Variants in KAZN observed in about 807,000 individuals in gnomAD.
KAZN encodes kazrin.
KAZN carries 40 observed loss-of-function variants against 87.4 expected under a neutral mutation model. That is an observed-to-expected ratio of 0.46 (90% CI 0.36 to 0.60). The LOEUF is 0.60. Among genes scored for constraint, KAZN ranks in the 20% least tolerant of loss-of-function variants. The pLI, the probability that KAZN is intolerant of heterozygous loss-of-function variation, is 0.00. For synonymous variants in KAZN, 466 were observed against 458.3 expected (o/e 1.02, Z -0.22); for missense variants, 898 against 1,073.9 (o/e 0.84, Z 2.29).
intron 2 of KAZN, among the ~76,000 whole-genome samples, chr1:15,022,270 C>T (rs1265872463): frequency 6.6e-6 from 1 of 152,148 alleles, no homozygotes; most frequent in African/African-American, 2.4e-5. Context: ...GAACCACGCC[C>T]GCACCCCGCC....
At chr1:14,531,750 C>A (rs1423004664) in intron 2 of KAZN, among the ~76,000 whole-genome samples, 1 of 152,206 alleles carries the variant, frequency 6.6e-6, no homozygotes, top group African/African-American at 2.4e-5. Flanking sequence ...TTCGACTGAA[C>A]AGCAAGGGAA....
At chr1:13,927,585 T>A (rs772483621) in intron 1 of KAZN, among the ~76,000 whole-genome samples, 7 of 152,176 alleles carry the variant, frequency 4.6e-5, no homozygotes, top group African/African-American at 2.4e-5. Flanking sequence ...ATCCCAATGG[T>A]ACTGTTGCAT....
At chr1:14,443,380 G>A (rs149150425) in intron 2 of KAZN, among the ~76,000 whole-genome samples, 2 of 152,308 alleles carry the variant, frequency 1.3e-5, no homozygotes, top group East Asian at 3.9e-4. Context: ...TGGGCCAGGG[G>A]CTCTTGGGAG....
chr1:14,609,485 C>G (rs761195), intron 1 of KAZN, among the ~76,000 whole-genome samples: 19,297 of 152,236 alleles, frequency 0.13, 2,811 homozygotes, highest in African/African-American at 0.36. Context: ...GGCTGATCAA[C>G]ACCACAGTTG....
chr1:14,915,598 C>T (rs1455935199), intron 1 of KAZN, among the ~76,000 whole-genome samples: 1 of 152,190 alleles, frequency 6.6e-6, no homozygotes, highest in East Asian at 1.9e-4. Flanking sequence ...TCTGAGTCCC[C>T]CCTCTTTATG....
chr1:14,372,717 C>T (rs550827848), intron 2 of KAZN, among the ~76,000 whole-genome samples: 2 of 152,288 alleles, frequency 1.3e-5, no homozygotes, highest in South Asian at 2.1e-4. Flanking sequence ...CCTCTTGAGT[C>T]GCACCCTGTG....
chr1:14,154,996 T>TCCTTCCTTCCTTCC (rs1553136611), intron 1 of KAZN, among the ~76,000 whole-genome samples: 20 of 149,940 alleles, frequency 1.3e-4, no homozygotes, highest in African/African-American at 2.9e-4. Flanking sequence ...CTTCCTTCCT[T>TCCTTCCTTCCTTCC]TTTCTGATGT....
chr1:14,625,113 G>A (rs1016156827), intron 1 of KAZN, among the ~76,000 whole-genome samples: 3 of 152,068 alleles, frequency 2.0e-5, no homozygotes, highest in South Asian at 2.1e-4. Context: ...CCCCGACACC[G>A]CGTAGTCATC....
intron 1 of KAZN, among the ~76,000 whole-genome samples, chr1:14,068,135 T>C (rs1476598478): frequency 6.6e-6 from 1 of 152,018 alleles, no homozygotes; most frequent in East Asian, 1.9e-4. Context: ...CCCCCAACAA[T>C]TGAGGTGTAA....
intron 1 of KAZN, among the ~76,000 whole-genome samples, chr1:14,139,720 A>G (rs761229201): frequency 6.6e-6 from 1 of 152,228 alleles, no homozygotes. Flanking sequence ...GCAGGGCCGT[A>G]GAGGAGAGAA....
chr1:14,580,043 G>T (rs1675445152), intron 2 of KAZN, among the ~76,000 whole-genome samples: 1 of 152,180 alleles, frequency 6.6e-6, no homozygotes, highest in Non-Finnish European at 1.5e-5. Flanking sequence ...GTCACTCACA[G>T]CTACAGGAAT....
intron 2 of KAZN, among the ~76,000 whole-genome samples, chr1:14,449,686 T>C (rs1416397266): frequency 6.6e-6 from 1 of 152,182 alleles, no homozygotes; most frequent in African/African-American, 2.4e-5. Context: ...TTCAATAATT[T>C]CATGTAGGAT....
At chr1:14,645,014 G>A (rs1008283088) in intron 1 of KAZN, among the ~76,000 whole-genome samples, 2 of 152,232 alleles carry the variant, frequency 1.3e-5, no homozygotes, top group South Asian at 4.1e-4. Context: ...TCAATCTTCT[G>A]CATATAGTCA....
intron 1 of KAZN, among the ~76,000 whole-genome samples, chr1:14,003,527 C>T (rs1023123688): frequency 7.3e-5 from 11 of 151,706 alleles, no homozygotes; most frequent in Middle Eastern, 3.2e-3. Context: ...TACTGACACA[C>T]GGATGGACAA....
chr1:15,022,060 T>A (rs1464572407), intron 2 of KAZN, among the ~76,000 whole-genome samples: 1 of 152,232 alleles, frequency 6.6e-6, no homozygotes, highest in East Asian at 1.9e-4. Context: ...TTCTACCATG[T>A]CTCTCCCATA....
intron 1 of KAZN, among the ~76,000 whole-genome samples, chr1:14,621,292 A>G (rs1248915966): frequency 6.6e-6 from 1 of 152,084 alleles, no homozygotes; most frequent in African/African-American, 2.4e-5. Context: ...CAAGTGTATT[A>G]TTTTCTCACA....
At position 14,092,461 on chromosome 1, in the gene KAZN, T is replaced by A. The variant is rs111660535; in HGVS notation, c.92-87974T>A. 9.5e-3 allele frequency among the ~76,000 whole-genome samples: 1,370 copies of A among 144,154 alleles called. 27 individuals carry two copies. The highest frequency in any genetic ancestry group is 0.032 in the African/African-American group (1,292 of 40,456). The allele number at this position is 144,154 out of a possible 152,430, so 94.6% of individuals were successfully genotyped here. The stretch of plus-strand genomic sequence containing the variant: ...AACAGTAATAAATAAATAAATAAAT[T>A]ATATATATATACACACACACAACAC... On this transcript the variant is annotated intron_variant, in intron 1 of 16. Transcript: ENST00000636203.
chr1:13,984,866 C>T (rs578177822), intron 1 of KAZN, among the ~76,000 whole-genome samples: 1 of 152,176 alleles, frequency 6.6e-6, no homozygotes, highest in East Asian at 1.9e-4. Context: ...AGTTTTTATT[C>T]TATAAGCAGA....
chr1:15,006,362 C>T (rs1051000383), intron 2 of KAZN, among the ~76,000 whole-genome samples: 5 of 152,218 alleles, frequency 3.3e-5, no homozygotes, highest in Admixed American at 3.3e-4. Flanking sequence ...TAGCAGCTAC[C>T]TTGCATGCAG....
Sources: gnomAD v4.1 joint callset for allele counts (sites outside exome capture counted in the v4.1 genomes callset) on GRCh38, gnomAD v4.1.1 for gene constraint, MANE v1.5 for transcripts, NCBI Gene and HGNC (gene_info 2026-07-23, HGNC 2026-07-21) for gene names.